Variants in COPB1 observed in about 807,000 individuals in gnomAD.
COPB1 encodes coat protein complex I subunit beta 1, also known as coatomer subunit beta.
COPB1 carries 21 observed loss-of-function variants against 108.7 expected under a neutral mutation model. The observed-to-expected ratio is 0.19, with a 90% CI of 0.14 to 0.28. The LOEUF (loss-of-function observed/expected upper bound fraction) is 0.28. COPB1 is among the 10% of genes least tolerant of loss of function. COPB1 has a pLI of 1.00. For missense variants in COPB1, 919 were observed against 1,141.3 expected (o/e 0.81, Z 2.81); for synonymous variants, 378 against 386.8 (o/e 0.98, Z 0.27).
chr11:14,467,626 C>T (rs1054882054), intron 16 of COPB1, among the ~76,000 whole-genome samples: 3 of 152,146 alleles, frequency 2.0e-5, no homozygotes, highest in African/African-American at 7.2e-5. Context: ...AACCAAAAGG[C>T]AGAAGCAATG....
intron 21 of COPB1, 62 bp from the exon 22 acceptor site, chr11:14,457,945 C>T: frequency 2.0e-6 from 2 of 992,690 alleles, no homozygotes; most frequent in South Asian, 3.3e-5. Flanking sequence ...TAGGTTATTC[C>T]ATATTATTAA....
In COPB1 at chr11:14,498,874, C is replaced by G; in HGVS notation, c.55G>C (p.Glu19Gln). ...YTLINVPMDSEPPSEISLKND... is the reference protein window; with the variant it reads ...YTLINVPMDSQPPSEISLKND... ...TTTAAGCTAATTTCAGATGGTGGTT[C>G]TGAATCCATTGGCACGTTAATTAAC... is the stretch of plus-strand genomic sequence containing the variant. Residue 19 changes from glutamate (E) to glutamine (Q), a missense_variant, in exon 2 of 22, where the codon GAA becomes CAA. By Grantham distance (29) the Glu-to-Gln change is conservative. This residue lies in a region of COPB1 where 92 missense variants were observed against 108.4 expected (regional missense o/e 0.85). Transcript: ENST00000439561. The G allele has an allele frequency of 1.2e-6, 2 of 1,609,992 alleles. No individual in the cohort carries two copies. Among genetic ancestry groups the G allele is most frequent in the Non-Finnish European group, 1.7e-6 (2 of 1,179,128 alleles).
intron 5 of COPB1, among the ~76,000 whole-genome samples, chr11:14,490,014 C>A (rs1003675511): frequency 2.6e-5 from 4 of 152,162 alleles, no homozygotes; most frequent in African/African-American, 9.7e-5. Context: ...TATTATTTCC[C>A]ATATTTTGGT....
At chr11:14,468,614 A>T in intron 16 of COPB1, 67 bp downstream of exon 16, 1 of 1,417,604 alleles carries the variant, frequency 7.1e-7, no homozygotes, top group African/African-American at 1.4e-5. Flanking sequence ...TTTTAAAAAT[A>T]GCAGCACTAA....
At chr11:14,481,153 A>C in intron 8 of COPB1, 56 bp from the exon 9 acceptor site, 1 of 1,301,084 alleles carries the variant, frequency 7.7e-7, no homozygotes, top group Non-Finnish European at 1.1e-6. Flanking sequence ...CACAGGAAAA[A>C]AATCTTCACT....
At position 14,483,033 on chromosome 11, in the gene COPB1, T is replaced by C. The variant is rs1191534424; in HGVS notation, c.956A>G (p.Gln319Arg). ...KEHPAHERVL[Q>R]DLVMDILRVL... The stretch of plus-strand genomic sequence containing the variant: ...CTCTCTTTTTCAGATAACACTTACC[T>C]GTAGTACTCGTTCATGAGCAGGATG... Residue 319 changes from glutamine (Q) to arginine (R), a missense_variant and splice_region_variant, in exon 8 of 22, where the codon CAG becomes CGG. Around this residue, in one of 5 missense-constraint regions of COPB1, gnomAD observed 705 missense variants for 817.8 expected, o/e 0.86. Coordinates refer to ENST00000439561, the MANE Select transcript of COPB1 (RefSeq NM_001144061.2). 1.3e-6 allele frequency: 2 copies of C among 1,559,538 alleles called. No individual in the cohort carries two copies. Among genetic ancestry groups the C allele is most frequent in the Non-Finnish European group, 1.8e-6 (2 of 1,141,374 alleles).
intron 20 of COPB1, chr11:14,459,967 G>C (rs527823584): frequency 1.2e-5 from 4 of 346,156 alleles, no homozygotes; most frequent in African/African-American, 2.1e-5. Flanking sequence ...AGATTGAAAA[G>C]AAAATAAAAA....
intron 21 of COPB1, 100 bp downstream of exon 21, chr11:14,458,432 T>C: frequency 8.5e-7 from 1 of 1,181,542 alleles, no homozygotes; most frequent in Non-Finnish European, 1.2e-6. Context: ...TGTATATGCA[T>C]CTAATGCTAA....
chr11:14,494,522 T>TA, intron 2 of COPB1, 83 bp from the exon 3 acceptor site: 1 of 790,326 alleles, frequency 1.3e-6, no homozygotes, highest in Non-Finnish European at 2.0e-6. Flanking sequence ...ATTAACAAAA[T>TA]AAAATGTACC....
intron 20 of COPB1, among the ~76,000 whole-genome samples, chr11:14,459,853 G>C (rs1850106585): frequency 6.6e-6 from 1 of 152,100 alleles, no homozygotes; most frequent in South Asian, 2.1e-4. Flanking sequence ...CTGACCTCAA[G>C]TGATCTGCCC....
At position 14,469,345 on chromosome 11, in the gene COPB1, T is replaced by C. The variant is rs1565014304; in HGVS notation, c.1956A>G (p.Leu652=). ...ATCATATATACCTTACCTTTTGGGA[T>C]AATTTCTCTTCTTCTAGTTTAGCAG... ...MLSAKLEEEK[L]SQKKESEKRN... The change falls in exon 15 of 22, where the codon TTA becomes TTG. Residue 652 remains leucine (L), a synonymous_variant. Coordinates refer to ENST00000439561, the MANE Select transcript of COPB1 (RefSeq NM_001144061.2). 2 of 1,613,544 alleles carry C rather than the reference T, an allele frequency of 1.2e-6. No homozygotes were observed. Among genetic ancestry groups the C allele is most frequent in the Middle Eastern group, 1.6e-4 (1 of 6,062 alleles).
At chr11:14,495,472 G>A (rs539144610) in intron 2 of COPB1, among the ~76,000 whole-genome samples, 94 of 152,272 alleles carry the variant, frequency 6.2e-4, no homozygotes, top group Middle Eastern at 6.8e-3. Context: ...AGAGTTCTGA[G>A]CGTCAGATGC....
At chr11:14,458,821 G>A in intron 20 of COPB1, 134 bp from the exon 21 acceptor site, 1 of 730,610 alleles carries the variant, frequency 1.4e-6, no homozygotes, top group Non-Finnish European at 2.1e-6. Context: ...TGGAGCTGGA[G>A]TGCAGTGGCG....
chr11:14,484,413 G>A (rs980013321), intron 7 of COPB1, among the ~76,000 whole-genome samples: 3 of 152,158 alleles, frequency 2.0e-5, no homozygotes, highest in Non-Finnish European at 4.4e-5. Flanking sequence ...AAGGCTGGGT[G>A]AAGAATATAT....
At chr11:14,497,903 G>C (rs1851060742) in intron 2 of COPB1, among the ~76,000 whole-genome samples, 1 of 152,162 alleles carries the variant, frequency 6.6e-6, no homozygotes, top group Non-Finnish European at 1.5e-5. Flanking sequence ...AATATGGATG[G>C]AACTGGAGGT....
intron 11 of COPB1, chr11:14,478,804 C>A (rs1381497286): frequency 6.6e-6 from 1 of 151,800 alleles, no homozygotes; most frequent in African/African-American, 2.4e-5. Flanking sequence ...AGTCATCTTT[C>A]CCCTAAGATT....
In COPB1 at chr11:14,483,043, G is replaced by T; in HGVS notation, c.946C>A (p.Arg316=). The T allele has an allele frequency of 6.4e-7, 1 of 1,566,980 alleles. No individual in the cohort carries two copies. The highest frequency in any genetic ancestry group is 8.7e-7 in the Non-Finnish European group (1 of 1,145,926). ...IELKEHPAHE[R]VLQDLVMDIL... is the part of the protein sequence containing the mutation. The stretch of plus-strand genomic sequence containing the variant: ...CAGATAACACTTACCTGTAGTACTC[G>T]TTCATGAGCAGGATGCTCTTTTAAT... Residue 316 remains arginine (R), a synonymous_variant, in exon 8 of 22, where the codon CGA becomes AGA. Coordinates refer to ENST00000439561, the MANE Select transcript of COPB1 (RefSeq NM_001144061.2).
At chr11:14,493,511 A>C (rs1850954934) in intron 4 of COPB1, 131 bp downstream of exon 4, 1 of 696,874 alleles carries the variant, frequency 1.4e-6, no homozygotes, top group Non-Finnish European at 2.2e-6. Context: ...TTCATAATAA[A>C]AAATACAGTG....
intron 2 of COPB1, among the ~76,000 whole-genome samples, 190 bp downstream of exon 2, chr11:14,498,648 G>T (rs1851080685): frequency 6.6e-6 from 1 of 152,168 alleles, no homozygotes; most frequent in Non-Finnish European, 1.5e-5. Context: ...AAGATAAACT[G>T]AGATGTTCTA....
Sources: gnomAD v4.1 joint callset for allele counts (sites outside exome capture counted in the v4.1 genomes callset) on GRCh38, gnomAD v4.1.1 for gene constraint, gnomAD v4.1.1 regional missense constraint, MANE v1.5 for transcripts, NCBI Gene and HGNC (gene_info 2026-07-23, HGNC 2026-07-21) for gene names.